RCAN1: variants seen among roughly 807,000 people sequenced by gnomAD.
RCAN1 encodes the protein calcipressin-1.
In RCAN1, 11 loss-of-function variants were observed where a neutral mutation model predicts 22.9. The observed-to-expected ratio is 0.48, with a 90% CI of 0.30 to 0.79. The LOEUF is 0.79. Among genes scored for constraint, RCAN1 ranks in the 30% least tolerant of loss-of-function variants. The pLI, the probability that RCAN1 is intolerant of heterozygous loss-of-function variation, is 0.06. For synonymous variants in RCAN1, 136 were observed against 142.3 expected (o/e 0.96, Z 0.32); for missense variants, 291 against 337.8 (o/e 0.86, Z 1.09).
rs115590739 is a variant in RCAN1 at position 34,550,523 on chromosome 21, T to C, written c.253-26813A>G. On this transcript the variant is annotated intron_variant, in intron 1 of 3. Coordinates refer to ENST00000313806, the MANE Select transcript of RCAN1 (RefSeq NM_004414.7). ...GACACCAGACAGAGAAAAGACCATGTGAGGACACAGAGATAGCATGTCATC... is the reference window on the plus strand; with the variant it reads ...GACACCAGACAGAGAAAAGACCATGCGAGGACACAGAGATAGCATGTCATC... Among the ~76,000 whole-genome samples, 486 of 152,276 alleles carry C rather than the reference T, an allele frequency of 3.2e-3. 2 individuals are homozygous for C. Among genetic ancestry groups the C allele is most frequent in the African/African-American group, 0.011 (459 of 41,546 alleles).
In RCAN1 at chr21:34,541,278, A is replaced by G. The variant is rs146159377; in HGVS notation, c.253-17568T>C. On this transcript the variant is annotated intron_variant, in intron 1 of 3. Coordinates refer to ENST00000313806, the MANE Select transcript of RCAN1 (RefSeq NM_004414.7). Reference sequence around the variant, plus strand: ...AATTGGTCCAGTTACAAAAAGTCCTACAGATGAAGGACTTGAGAATAGGGT... The same window carrying G: ...AATTGGTCCAGTTACAAAAAGTCCTGCAGATGAAGGACTTGAGAATAGGGT... 2.6e-4 allele frequency among the ~76,000 whole-genome samples: 40 copies of G among 152,320 alleles called. No individual in the cohort carries two copies. The East Asian group carries it at 5.2e-3, about 20-fold the overall frequency.
At chr21:34,575,744 C>T (rs76293118) in intron 1 of RCAN1, among the ~76,000 whole-genome samples, 2,214 of 152,172 alleles carry the variant, frequency 0.015, 46 homozygotes, top group African/African-American at 0.051. Flanking sequence ...ACTTCCTAAG[C>T]GCAGTTCCAT....
chr21:34,571,197 G>A (rs1321251001), intron 1 of RCAN1, among the ~76,000 whole-genome samples: 1 of 152,184 alleles, frequency 6.6e-6, no homozygotes, highest in Non-Finnish European at 1.5e-5. Flanking sequence ...AGAGGCTGAG[G>A]CAGGAGAATC....
chr21:34,544,325 T>C (rs1305275253), intron 1 of RCAN1, among the ~76,000 whole-genome samples: 1 of 152,220 alleles, frequency 6.6e-6, no homozygotes, highest in East Asian at 1.9e-4. Flanking sequence ...TCTCTGTTGC[T>C]GATTCTGAAG....
At chr21:34,563,760 A>AC (rs1387850317) in intron 1 of RCAN1, among the ~76,000 whole-genome samples, 1 of 78,464 alleles carries the variant, frequency 1.3e-5, no homozygotes, top group African/African-American at 6.9e-5. Context: ...ATACCAAAAA[A>AC]AAAAAAAAAA....
intron 1 of RCAN1, among the ~76,000 whole-genome samples, chr21:34,546,911 A>C (rs766052581): frequency 6.6e-6 from 1 of 152,152 alleles, no homozygotes; most frequent in Non-Finnish European, 1.5e-5. Flanking sequence ...AGTGGAGAAA[A>C]TGATTAGTCA....
At chr21:34,565,707 A>AT (rs551686456) in intron 1 of RCAN1, among the ~76,000 whole-genome samples, 19 of 152,298 alleles carry the variant, frequency 1.2e-4, no homozygotes, top group African/African-American at 4.6e-4. Flanking sequence ...CAACACATTC[A>AT]TTTTTTGTCA....
At chr21:34,529,901 C>T (rs997415323) in intron 1 of RCAN1, among the ~76,000 whole-genome samples, 5 of 152,182 alleles carry the variant, frequency 3.3e-5, no homozygotes, top group Admixed American at 6.5e-5. Context: ...ATAAGTCTCA[C>T]GAGATCTGAT....
chr21:34,608,396 G>C (rs551993793), intron 1 of RCAN1, among the ~76,000 whole-genome samples: 1 of 152,146 alleles, frequency 6.6e-6, no homozygotes, highest in Non-Finnish European at 1.5e-5. Context: ...AGAATACAGC[G>C]AAAGTGATGG....
chr21:34,545,704 G>A (rs1432014435), intron 1 of RCAN1, among the ~76,000 whole-genome samples: 2 of 152,144 alleles, frequency 1.3e-5, no homozygotes, highest in Non-Finnish European at 2.9e-5. Flanking sequence ...TAGCCTCCCT[G>A]CTGGTCAGTC....
At chr21:34,606,435 G>A (rs372884950) in intron 1 of RCAN1, among the ~76,000 whole-genome samples, 2 of 152,062 alleles carry the variant, frequency 1.3e-5, no homozygotes, top group African/African-American at 2.4e-5. Context: ...CCCCGGCTAG[G>A]TGCACCCGTG....
chr21:34,572,347 C>T (rs1987263275), intron 1 of RCAN1, among the ~76,000 whole-genome samples: 1 of 152,062 alleles, frequency 6.6e-6, no homozygotes, highest in African/African-American at 2.4e-5. Context: ...CCTGTAGCTC[C>T]GACACCATGT....
intron 1 of RCAN1, among the ~76,000 whole-genome samples, chr21:34,536,291 C>T (rs554210037): frequency 2.1e-4 from 32 of 152,350 alleles, no homozygotes; most frequent in African/African-American, 7.5e-4. Context: ...TATTTGTTCT[C>T]TCTTTCCAGA....
intron 1 of RCAN1, chr21:34,559,296 G>A (rs1244824943): frequency 6.6e-6 from 1 of 152,208 alleles, no homozygotes; most frequent in Middle Eastern, 3.2e-3. Context: ...CTTTCTGTAA[G>A]AAGAGCCCTG....
chr21:34,539,601 T>C (rs969899969), intron 1 of RCAN1, among the ~76,000 whole-genome samples: 1 of 152,218 alleles, frequency 6.6e-6, no homozygotes, highest in Non-Finnish European at 1.5e-5. Context: ...CTAGATGCTA[T>C]ATATCAATGG....
chr21:34,563,817 A>AGG, intron 1 of RCAN1, among the ~76,000 whole-genome samples: 1 of 143,012 alleles, frequency 7.0e-6, no homozygotes, highest in African/African-American at 2.6e-5. Context: ...AGAGAGAGAG[A>AGG]GAGGCAGGCA....
intron 1 of RCAN1, among the ~76,000 whole-genome samples, chr21:34,572,129 C>T (rs979109406): frequency 1.4e-4 from 22 of 152,104 alleles, no homozygotes; most frequent in African/African-American, 4.8e-4. Flanking sequence ...ATCAGTGGGA[C>T]CAGAATACAA....
Position 34,614,625 on chromosome 21 carries a change from G to A in RCAN1, c.252+135C>T. On this transcript the variant is annotated intron_variant, in intron 1 of 3. Transcript: ENST00000313806. This position sits in a 1 kb window ranked among gnomAD's most constrained non-coding sequence, Gnocchi z 6.0. Reference sequence around the variant, plus strand: ...CACGCCCCAGCCCTGACGGGTCCGCGGCCGAGCAGCCCGGGGGACGTCGCT... The same window carrying A: ...CACGCCCCAGCCCTGACGGGTCCGCAGCCGAGCAGCCCGGGGGACGTCGCT... The A allele has an allele frequency of 1.8e-6, 2 of 1,082,402 alleles. No homozygotes were observed. Among genetic ancestry groups the A allele is most frequent in the Non-Finnish European group, 2.3e-6 (2 of 878,916 alleles). 67.0% of individuals were successfully genotyped at this position (1,082,402 alleles called of 1,614,324 possible). A position where few individuals can be genotyped will look rare whatever the true frequency, so the allele number is the denominator to read the frequency against.
chr21:34,584,695 G>A (rs1315715115), intron 1 of RCAN1, among the ~76,000 whole-genome samples: 2 of 152,174 alleles, frequency 1.3e-5, no homozygotes, highest in South Asian at 2.1e-4. Context: ...CAGTCCAAAG[G>A]AGGTAAAAAC....
Sources: gnomAD v4.1 joint callset for allele counts (sites outside exome capture counted in the v4.1 genomes callset) on GRCh38, gnomAD v4.1.1 for gene constraint, Gnocchi (gnomAD v3.1) non-coding constraint, MANE v1.5 for transcripts, NCBI Gene and HGNC (gene_info 2026-07-23, HGNC 2026-07-21) for gene names.